The following MAD1L1 variants were observed in gnomAD, a reference collection of about 807,000 sequenced individuals.
MAD1L1 encodes mitotic spindle assembly checkpoint protein MAD1.
A neutral mutation model predicts 96.9 loss-of-function variants in MAD1L1; 95 were observed. The ratio of observed to expected loss-of-function variants is 0.98; its 90% CI spans 0.83 to 1.16. The LOEUF is 1.16. MAD1L1 is among the 50% of genes most tolerant of loss of function. The probability of loss-of-function intolerance (pLI) is 0.00; values close to 1 mark genes in which losing one functional copy is unlikely to be tolerated. For synonymous variants in MAD1L1, 473 were observed against 396.6 expected (o/e 1.19, Z -2.29); for missense variants, 1,007 against 954.4 (o/e 1.06, Z -0.73).
At chr7:2,130,795 C>A (rs1029206343) in intron 11 of MAD1L1, among the ~76,000 whole-genome samples, 5 of 152,222 alleles carry the variant, frequency 3.3e-5, no homozygotes, top group African/African-American at 1.2e-4. Flanking sequence ...CTTTCACTGT[C>A]CTGCACCTAC....
At chr7:2,104,153 C>T (rs1011053229) in intron 11 of MAD1L1, among the ~76,000 whole-genome samples, 10 of 152,220 alleles carry the variant, frequency 6.6e-5, no homozygotes, top group Admixed American at 2.0e-4. Context: ...ATTAGAACCA[C>T]GGCAGGCTGG....
At chr7:2,181,587 G>A (rs753173989) in intron 10 of MAD1L1, among the ~76,000 whole-genome samples, 3 of 152,192 alleles carry the variant, frequency 2.0e-5, no homozygotes, top group African/African-American at 7.2e-5. Flanking sequence ...TACATTGCTC[G>A]TGGGAATGGA....
At position 2,085,691 on chromosome 7, in the gene MAD1L1, G is replaced by A. The variant is rs1428528822; in HGVS notation, c.1074-16353C>T. On this transcript the variant is annotated intron_variant, in intron 11 of 18. Transcript: ENST00000265854. ...TTATGGCTCAATAACTCCTCGCTGG[G>A]TGGACAGCCGTGTTGTTTTTAGTCA... 2.0e-5 allele frequency among the ~76,000 whole-genome samples: 3 copies of A among 152,326 alleles called. No homozygotes were observed. In the East Asian group the frequency reaches 5.8e-4, roughly 29 times the overall value.
At position 2,225,460 on chromosome 7, in the gene MAD1L1, C is replaced by T. The variant is rs569382170; in HGVS notation, c.241G>A (p.Ala81Thr). The T allele has an allele frequency of 6.2e-7, 1 of 1,614,160 alleles. No homozygotes were observed. The highest frequency in any genetic ancestry group is 1.3e-5 in the African/African-American group (1 of 75,060). ...GCTGCTCTCTCCAGCTCCACTCGAGCCCTCTTGTGACTCAGCTCCATCTGC... is the reference window on the plus strand; with the variant it reads ...GCTGCTCTCTCCAGCTCCACTCGAGTCCTCTTGTGACTCAGCTCCATCTGC... ...KMQMELSHKR[A>T]RVELERAAST... Residue 81 changes from alanine (A) to threonine (T), a missense_variant, in exon 4 of 19, where the codon GCT becomes ACT. Ala to Thr is a moderately conservative substitution (Grantham distance 58). Coordinates refer to ENST00000265854, the MANE Select transcript of MAD1L1 (RefSeq NM_001013836.2).
intron 17 of MAD1L1, among the ~76,000 whole-genome samples, chr7:1,915,494 G>A (rs2128452925): frequency 6.6e-6 from 1 of 152,314 alleles, no homozygotes; most frequent in East Asian, 1.9e-4. Context: ...GAACGCCACA[G>A]GAGGCCGACG....
intron 14 of MAD1L1, among the ~76,000 whole-genome samples, chr7:1,997,263 C>G (rs1204002042): frequency 1.3e-5 from 2 of 152,224 alleles, no homozygotes; most frequent in Non-Finnish European, 2.9e-5. Flanking sequence ...GGTAAAGGAG[C>G]TGCAGGCTGG....
At chr7:2,207,186 T>A (rs1181274990) in intron 10 of MAD1L1, among the ~76,000 whole-genome samples, 1 of 152,102 alleles carries the variant, frequency 6.6e-6, no homozygotes, top group Admixed American at 6.6e-5. Context: ...ACTGCCATCT[T>A]AACAATAATG....
chr7:2,118,410 A>C (rs1238708218), intron 11 of MAD1L1, among the ~76,000 whole-genome samples: 1 of 152,232 alleles, frequency 6.6e-6, no homozygotes, highest in Admixed American at 6.5e-5. Flanking sequence ...AGGCTCCCAG[A>C]AGCAGGAGGT....
chr7:2,073,543 G>A (rs965987241), intron 11 of MAD1L1, among the ~76,000 whole-genome samples: 10 of 152,158 alleles, frequency 6.6e-5, no homozygotes, highest in Admixed American at 2.6e-4. Flanking sequence ...TCCCCGATCC[G>A]CTGGCTCCCC....
intron 12 of MAD1L1, among the ~76,000 whole-genome samples, chr7:2,063,185 C>T (rs771238638): frequency 3.9e-5 from 6 of 152,146 alleles, no homozygotes; most frequent in South Asian, 2.1e-4. Flanking sequence ...TCTTTGCACA[C>T]GCAATGTGTT....
At chr7:2,102,316 T>C (rs1160492989) in intron 11 of MAD1L1, among the ~76,000 whole-genome samples, 1 of 136,384 alleles carries the variant, frequency 7.3e-6, no homozygotes, top group Non-Finnish European at 1.6e-5. Context: ...ACCGTCACCA[T>C]CACCGCCGTC....
At chr7:1,857,788 C>A (rs956624348) in intron 18 of MAD1L1, among the ~76,000 whole-genome samples, 1 of 152,236 alleles carries the variant, frequency 6.6e-6, no homozygotes, top group African/African-American at 2.4e-5. Context: ...CAGCACGACG[C>A]CCCCTCTGAG....
intron 17 of MAD1L1, among the ~76,000 whole-genome samples, chr7:1,926,841 C>G (rs73050139): frequency 0.034 from 5,173 of 152,254 alleles, 193 homozygotes; most frequent in Admixed American, 0.099. Flanking sequence ...TCTCTGTTGC[C>G]CCATCTCCTA....
chr7:1,828,527 G>A (rs1436145368), intron 18 of MAD1L1, among the ~76,000 whole-genome samples: 3 of 152,234 alleles, frequency 2.0e-5, no homozygotes, highest in Non-Finnish European at 2.9e-5. Context: ...CGAACTAGGC[G>A]GCTCCAGGGC....
chr7:2,005,802 A>G (rs942341043), intron 13 of MAD1L1, among the ~76,000 whole-genome samples: 1 of 152,190 alleles, frequency 6.6e-6, no homozygotes, highest in East Asian at 1.9e-4. Flanking sequence ...CCCTGTGTCA[A>G]AAAAACAAAA....
chr7:2,212,840 C>T (rs1478003069), intron 10 of MAD1L1, among the ~76,000 whole-genome samples: 2 of 152,202 alleles, frequency 1.3e-5, no homozygotes, highest in Non-Finnish European at 2.9e-5. Flanking sequence ...CTCAGTTCAT[C>T]TCCACTGGTT....
In MAD1L1 at chr7:2,216,149, C is replaced by T. The variant is rs182586060; in HGVS notation, c.809+8G>A. 978 of 1,611,774 alleles carry T rather than the reference C, an allele frequency of 6.1e-4. 2 individuals carry two copies. In the African/African-American group the frequency reaches 0.012, roughly 19 times the overall value. ...GAGGCGGCTGCCCCATCCCCCGCAA[C>T]CCCTCACCGCAGGTGCGCGCTCTCC... On this transcript the variant is annotated splice_region_variant and intron_variant, in intron 8 of 18. Coordinates refer to ENST00000265854, the MANE Select transcript of MAD1L1 (RefSeq NM_001013836.2).
intron 11 of MAD1L1, among the ~76,000 whole-genome samples, chr7:2,134,868 T>C (rs1010253032): frequency 1.3e-5 from 2 of 152,210 alleles, no homozygotes; most frequent in African/African-American, 4.8e-5. Flanking sequence ...CAAGAACACC[T>C]GAAAGAAGTC....
chr7:2,051,024 T>C (rs117747369), intron 12 of MAD1L1, among the ~76,000 whole-genome samples: 326 of 152,326 alleles, frequency 2.1e-3, no homozygotes, highest in Non-Finnish European at 3.5e-3. Flanking sequence ...TATTCAAAGA[T>C]TTGGATTTCT....
Sources: gnomAD v4.1 joint callset for allele counts (sites outside exome capture counted in the v4.1 genomes callset) on GRCh38, gnomAD v4.1.1 for gene constraint, MANE v1.5 for transcripts, NCBI Gene and HGNC (gene_info 2026-07-23, HGNC 2026-07-21) for gene names.